USP36: variants seen among roughly 807,000 people sequenced by gnomAD.
USP36 encodes ubiquitin carboxyl-terminal hydrolase 36.
Under a neutral mutation model 111.5 loss-of-function variants are expected in USP36, and 59 were observed. The observed-to-expected ratio is 0.53, with a 90% CI of 0.43 to 0.66. The LOEUF is 0.66. Ranked by LOEUF, USP36 falls within the 30% of genes least tolerant of loss-of-function variation. USP36 has a pLI of 0.00. For missense variants in USP36, 1,488 were observed against 1,468.0 expected, an observed-to-expected ratio of 1.01 and a Z score of -0.22; for synonymous variants, 628 against 581.0, an observed-to-expected ratio of 1.08 and a Z score of -1.16.
chr17:78,821,087 C>T, intron 7 of USP36, 26 bp from the exon 8 acceptor site: 1 of 1,579,536 alleles, frequency 6.3e-7, no homozygotes, highest in Non-Finnish European at 8.6e-7. Flanking sequence ...GGCAGTGGAG[C>T]AGGTGGGGCC....
chr17:78,834,997 G>GTATATATATATATATATATATATATATA (rs10527657), intron 4 of USP36, among the ~76,000 whole-genome samples: 14 of 141,430 alleles, frequency 9.9e-5, no homozygotes, highest in African/African-American at 2.0e-4. Context: ...AATAATATTT[G>GTATATATATATATATATATATATATATA]TATATATATA....
chr17:78,791,587 C>G (rs2093584793), downstream of USP36, among the ~76,000 whole-genome samples: 1 of 152,200 alleles, frequency 6.6e-6, no homozygotes, highest in African/African-American at 2.4e-5. Context: ...TAATCTCAGG[C>G]CCCTCTCACA....
In USP36 at chr17:78,807,310, G is replaced by C; in HGVS notation, c.1734C>G (p.Val578=). The C allele has an allele frequency of 6.2e-7, 1 of 1,614,180 alleles. No individual in the cohort carries two copies. The highest frequency in any genetic ancestry group is 8.5e-7 in the Non-Finnish European group (1 of 1,180,024). ...CCAGGAGCTTAGGTGAGGTAGAGAG[G>C]ACAACATCCCTGCTGTCCCAGGAGC... ...RQGSWDSRDV[V]LSTSPKLLAT... is the part of the protein sequence containing the mutation. Residue 578 remains valine (V), a synonymous_variant, in exon 14 of 21, where the codon GTC becomes GTG. Transcript: ENST00000449938.
intron 4 of USP36, among the ~76,000 whole-genome samples, chr17:78,833,521 G>A (rs910911672): frequency 9.9e-5 from 15 of 152,008 alleles, no homozygotes; most frequent in Admixed American, 8.5e-4. Flanking sequence ...AGAATTTATC[G>A]GAGCCTCACG....
At chr17:78,812,814 G>A in intron 13 of USP36, 46 bp downstream of exon 13, 2 of 1,606,606 alleles carry the variant, frequency 1.2e-6, no homozygotes, top group African/African-American at 1.3e-5. Flanking sequence ...GGTCTGTGAG[G>A]AGCACCAAGA....
chr17:78,810,179 C>T lies in USP36; in HGVS notation c.1408-2543G>A, dbSNP rs555880292. 1.8e-3 allele frequency among the ~76,000 whole-genome samples: 278 copies of T among 151,738 alleles called. 2 individuals carry two copies. Among genetic ancestry groups the T allele is most frequent in the African/African-American group, 6.2e-3 (258 of 41,312 alleles). On this transcript the variant is annotated intron_variant, in intron 13 of 20. Coordinates refer to ENST00000449938, the MANE Select transcript of USP36 (RefSeq NM_001385174.1). ...TGTCACCTTGCCTGGAATTCACCAG[C>T]GTGATCATGGCTCACTGCATACAGC...
upstream of USP36, chr17:78,841,052 T>G (rs1257005845): frequency 1.3e-5 from 2 of 152,188 alleles, no homozygotes; most frequent in Non-Finnish European, 2.9e-5. Flanking sequence ...CTCCCGCCCC[T>G]GTGCCGCGGC....
In USP36 at chr17:78,807,479, G is replaced by T. The variant is rs754474833; in HGVS notation, c.1565C>A (p.Pro522His). The T allele has an allele frequency of 3.7e-6, 6 of 1,614,076 alleles. No individual in the cohort carries two copies. The highest frequency in any genetic ancestry group is 1.6e-4 in the Middle Eastern group (1 of 6,062). ...GTCTAGGATGGTTGGCATGTGTGTG[G>T]GTGTCTGGGAGAGTTTGGGGGAAGG... is the stretch of plus-strand genomic sequence containing the variant. ...GSPSPKLSQT[P>H]THMPTILDDP... Residue 522 changes from proline to histidine, a missense_variant, in exon 14 of 21, where the codon CCC becomes CAC. Pro to His is a moderately conservative substitution (Grantham distance 77). Around this residue, in one of 3 missense-constraint regions of USP36, gnomAD observed 1,073 missense variants for 994.1 expected, o/e 1.08. Coordinates refer to ENST00000449938, the MANE Select transcript of USP36 (RefSeq NM_001385174.1).
rs201086503 is a variant in USP36, at chr17:78,821,006, G to A, written c.813C>T (p.Val271=). Residue 271 remains valine (V), a synonymous_variant, in exon 8 of 21, where the codon GTC becomes GTT. Transcript: ENST00000449938. ...AGATCTGTACCCGGATCTCCAGCGC[G>A]ACGTCCAAGTAGGGGTCGTAGGTGT... ...VSDTYDPYLD[V]ALEIRQAANI... 708 of 1,609,028 alleles carry A rather than the reference G, an allele frequency of 4.4e-4. 1 individual carries two copies. Among genetic ancestry groups the A allele is most frequent in the Middle Eastern group, 3.3e-4 (2 of 6,084 alleles).
chr17:78,806,394 G>T, intron 14 of USP36, 108 bp from the exon 15 acceptor site: 1 of 1,469,948 alleles, frequency 6.8e-7, no homozygotes. Context: ...AAAGAGCCCA[G>T]AAAAAAAGAT....
intron 12 of USP36, 43 bp from the exon 13 acceptor site, chr17:78,813,044 A>G: frequency 1.2e-6 from 2 of 1,610,992 alleles, no homozygotes; most frequent in South Asian, 1.1e-5. Flanking sequence ...CTTACTAGGC[A>G]TTACAGAAAC....
chr17:78,806,954 C>A lies in USP36; in HGVS notation c.2085+5G>T. On this transcript the variant is annotated splice_donor_5th_base_variant and intron_variant, in intron 14 of 20. Transcript: ENST00000449938. ...ACAGCAGCGGCGAGACCCCCACACACCCACCTTCTTGGCAGAAAGGGCCAG... is the reference window on the plus strand; with the variant it reads ...ACAGCAGCGGCGAGACCCCCACACAACCACCTTCTTGGCAGAAAGGGCCAG... 1 of 1,613,608 alleles carries A rather than the reference C, an allele frequency of 6.2e-7. No individual in the cohort carries two copies. Among genetic ancestry groups the A allele is most frequent in the Non-Finnish European group, 8.5e-7 (1 of 1,179,580 alleles).
At chr17:78,806,101 A>G in intron 15 of USP36, 55 bp downstream of exon 15, 1 of 1,608,650 alleles carries the variant, frequency 6.2e-7, no homozygotes, top group Non-Finnish European at 8.5e-7. Context: ...AGCCAAGCAC[A>G]CGCAACCACA....
In USP36 at chr17:78,827,308, G is replaced by A. The variant is rs751829662; in HGVS notation, c.626C>T (p.Ala209Val). The change falls in exon 6 of 21, where the codon GCG becomes GTG. Residue 209 changes from alanine (A) to valine (V), a missense_variant. This residue lies in a region of USP36 where 196 missense variants were observed against 264.4 expected (regional missense o/e 0.74). Transcript: ENST00000449938. The stretch of plus-strand genomic sequence containing the variant: ...GATGGTGTACCGCAGGAACTCATGC[G>A]CGTCCTCCTGGTTCCCAAAGCGGAA... The part of the protein sequence containing the change: ...RHFRFGNQED[A>V]HEFLRYTIDA... 9.9e-6 allele frequency: 16 copies of A among 1,613,706 alleles called. No homozygotes were observed. The highest frequency in any genetic ancestry group is 4.0e-5 in the African/African-American group (3 of 75,050).
chr17:78,804,019 A>C, intron 15 of USP36, 41 bp from the exon 16 acceptor site: 2 of 1,441,786 alleles, frequency 1.4e-6, no homozygotes, highest in Non-Finnish European at 1.9e-6. Flanking sequence ...ATGTTCTGAA[A>C]GACCCAGCAG....
chr17:78,836,043 T>C (rs905572291), intron 3 of USP36, 68 bp downstream of exon 3: 3 of 1,573,668 alleles, frequency 1.9e-6, no homozygotes, highest in Non-Finnish European at 8.6e-7. Flanking sequence ...AATTAGTCAA[T>C]ATTTAAGTCC....
chr17:78,834,372 TA>T (rs969735796), intron 4 of USP36, among the ~76,000 whole-genome samples: 4 of 152,068 alleles, frequency 2.6e-5, no homozygotes, highest in African/African-American at 9.7e-5. Flanking sequence ...TCAGTTTTGG[TA>T]AGTTATATCT....
chr17:78,789,136 G>A (rs1303288873), intron 3 of USP36, among the ~76,000 whole-genome samples: 1 of 147,358 alleles, frequency 6.8e-6, no homozygotes, highest in Admixed American at 7.0e-5. Context: ...GGCAGAGGTT[G>A]CAGTGAGTCG....
intron 4 of USP36, among the ~76,000 whole-genome samples, chr17:78,833,929 G>A (rs1432043653): frequency 6.6e-6 from 1 of 152,120 alleles, no homozygotes; most frequent in Admixed American, 6.6e-5. Flanking sequence ...AACGTGTAAA[G>A]GATTGGAATT....
Sources: gnomAD v4.1 joint callset for allele counts (sites outside exome capture counted in the v4.1 genomes callset) on GRCh38, gnomAD v4.1.1 for gene constraint, gnomAD v4.1.1 regional missense constraint, MANE v1.5 for transcripts, NCBI Gene and HGNC (gene_info 2026-07-23, HGNC 2026-07-21) for gene names.